Variants in DGKB observed in about 807,000 individuals in gnomAD.
The protein encoded by DGKB is 90 kDa diacylglycerol kinase.
DGKB carries 67 observed loss-of-function variants against 114.3 expected under a neutral mutation model. That is an observed-to-expected ratio of 0.59 (90% CI 0.48 to 0.72). The LOEUF (loss-of-function observed/expected upper bound fraction) is 0.72, where lower values mean the gene tolerates loss of function less well. DGKB is among the 30% of genes least tolerant of loss of function. The pLI is 0.00. For synonymous variants in DGKB, 398 were observed against 323.1 expected (o/e 1.23, Z -2.49); for missense variants, 907 against 975.2 (o/e 0.93, Z 0.93).
chr7:14,245,761 C>G (rs1300779763), intron 23 of DGKB, among the ~76,000 whole-genome samples: 1 of 152,078 alleles, frequency 6.6e-6, no homozygotes, highest in Non-Finnish European at 1.5e-5. Context: ...AACCCCGTCT[C>G]TACTAAAAAT....
chr7:14,340,159 C>CTTTT (rs35208788), intron 22 of DGKB, among the ~76,000 whole-genome samples: 11 of 89,136 alleles, frequency 1.2e-4, no homozygotes, highest in African/African-American at 1.3e-4. Context: ...CTGGATGATG[C>CTTTT]TTTTTTTTTT....
intron 25 of DGKB, among the ~76,000 whole-genome samples, chr7:14,159,429 G>A (rs528225402): frequency 6.6e-5 from 10 of 152,184 alleles, no homozygotes; most frequent in South Asian, 2.1e-4. Context: ...CCACAGTACC[G>A]TAGTATCACA....
chr7:14,236,096 G>T (rs1792730137), intron 23 of DGKB, among the ~76,000 whole-genome samples: 1 of 151,842 alleles, frequency 6.6e-6, no homozygotes, highest in South Asian at 2.1e-4. Context: ...GTATTTTATT[G>T]CAAATTAAGA....
chr7:14,723,208 T>C (rs55954033), intron 5 of DGKB, among the ~76,000 whole-genome samples: 278 of 152,234 alleles, frequency 1.8e-3, no homozygotes, highest in African/African-American at 6.1e-3. Context: ...GCCTGACTTC[T>C]TGACTACAGC....
chr7:14,733,214 A>T (rs1013118563), intron 5 of DGKB, among the ~76,000 whole-genome samples: 1 of 152,234 alleles, frequency 6.6e-6, no homozygotes, highest in African/African-American at 2.4e-5. Context: ...AGGCCTCTCA[A>T]TTCATGATTG....
At chr7:14,689,199 A>ATTTCTTTTTTTTTTTTTTTTTT (rs1822291187) in intron 9 of DGKB, among the ~76,000 whole-genome samples, 1 of 76,566 alleles carries the variant, frequency 1.3e-5, no homozygotes, top group Non-Finnish European at 2.6e-5. Flanking sequence ...AACTCCTCTT[A>ATTTCTTTTTTTTTTTTTTTTTT]TTTTTTTTTT....
Position 14,973,449 on chromosome 7 carries a change from A to G in DGKB, c.-188+1247T>C, listed in dbSNP as rs149434036. On this transcript the variant is annotated intron_variant, in intron 1 of 4. Transcript: ENST00000437998. Reference sequence around the variant, plus strand: ...TGATACAATAACATATGGATTGAAAATTAAGTTAATCATACTATTTCTTTT... The same window carrying G: ...TGATACAATAACATATGGATTGAAAGTTAAGTTAATCATACTATTTCTTTT... Among the ~76,000 whole-genome samples the G allele has an allele frequency of 7.1e-3, 1,083 of 151,714 alleles. 16 individuals carry two copies. The highest frequency in any genetic ancestry group is 0.025 in the African/African-American group (1,041 of 41,484).
Position 14,694,102 on chromosome 7 carries a change from T to C in DGKB, c.684A>G (p.Pro228=), listed in dbSNP as rs1251194948. The C allele has an allele frequency of 6.3e-7, 1 of 1,591,612 alleles. No homozygotes were observed. Among genetic ancestry groups the C allele is most frequent in the South Asian group, 1.1e-5 (1 of 87,278 alleles). ...EWIQGGMTTI[P]LLVLLGLENN... is the part of the protein sequence containing the mutation. ...TTTCTAAGCCCAGGAGCACAAGAAG[T>C]GGAATCGTTGTCATTCCTCCTTGAA... The change falls in exon 9 of 26, where the codon CCA becomes CCG. Residue 228 remains proline, a synonymous_variant. Transcript: ENST00000402815.
At chr7:14,578,831 A>G (rs1799536665) in intron 19 of DGKB, among the ~76,000 whole-genome samples, 1 of 152,224 alleles carries the variant, frequency 6.6e-6, no homozygotes, top group South Asian at 2.1e-4. Flanking sequence ...TCGAAGCTTC[A>G]CTTTGCATGA....
intron 23 of DGKB, among the ~76,000 whole-genome samples, chr7:14,330,239 C>T (rs1809487142): frequency 6.6e-6 from 1 of 151,862 alleles, no homozygotes; most frequent in Non-Finnish European, 1.5e-5. Flanking sequence ...TCCTTTTTCC[C>T]TTGCAACTAT....
intron 21 of DGKB, among the ~76,000 whole-genome samples, chr7:14,419,334 G>A (rs761995708): frequency 5.9e-5 from 9 of 151,854 alleles, no homozygotes; most frequent in Admixed American, 1.3e-4. Flanking sequence ...AATCAAAATT[G>A]TACTAGGAAA....
intron 13 of DGKB, among the ~76,000 whole-genome samples, chr7:14,638,342 C>G (rs1422605813): frequency 6.6e-6 from 1 of 152,132 alleles, no homozygotes; most frequent in Non-Finnish European, 1.5e-5. Flanking sequence ...ACTTTAAACT[C>G]AATTTTATTA....
chr7:14,923,628 A>C (rs1784612614), intron 1 of DGKB, among the ~76,000 whole-genome samples: 1 of 152,086 alleles, frequency 6.6e-6, no homozygotes, highest in Non-Finnish European at 1.5e-5. Flanking sequence ...GATATCTGGC[A>C]TTCATTCTTG....
At chr7:14,296,362 C>T (rs921153872) in intron 23 of DGKB, among the ~76,000 whole-genome samples, 2 of 152,170 alleles carry the variant, frequency 1.3e-5, no homozygotes, top group Middle Eastern at 6.8e-3. Context: ...GCATAGTATT[C>T]CATGGTATAT....
intron 25 of DGKB, among the ~76,000 whole-genome samples, chr7:14,150,567 C>A (rs934465474): frequency 6.6e-6 from 1 of 152,032 alleles, no homozygotes; most frequent in Admixed American, 6.6e-5. Flanking sequence ...ATTCAGTGTT[C>A]TCTTTCCTGC....
intron 21 of DGKB, among the ~76,000 whole-genome samples, chr7:14,364,928 A>G (rs1271822602): frequency 6.6e-6 from 1 of 152,048 alleles, no homozygotes; most frequent in African/African-American, 2.4e-5. Context: ...ATAGAAGGTC[A>G]CCATCTGCAA....
intron 2 of DGKB, among the ~76,000 whole-genome samples, chr7:14,837,158 A>G (rs972739409): frequency 6.6e-6 from 1 of 152,218 alleles, no homozygotes; most frequent in Non-Finnish European, 1.5e-5. Flanking sequence ...CCAAAGTCAG[A>G]TATCTGAAGT....
intron 1 of DGKB, among the ~76,000 whole-genome samples, chr7:14,964,916 A>G (rs989486374): frequency 1.1e-4 from 17 of 152,300 alleles, no homozygotes; most frequent in Middle Eastern, 3.4e-3. Flanking sequence ...CTGGATCATA[A>G]CCCAACAATG....
At chr7:14,640,879 T>C (rs1811645257) in intron 13 of DGKB, among the ~76,000 whole-genome samples, 1 of 152,196 alleles carries the variant, frequency 6.6e-6, no homozygotes, top group Admixed American at 6.5e-5. Flanking sequence ...CCTTAATGTC[T>C]AGTGGTGGTT....
Sources: gnomAD v4.1 joint callset for allele counts (sites outside exome capture counted in the v4.1 genomes callset) on GRCh38, gnomAD v4.1.1 for gene constraint, MANE v1.5 for transcripts, NCBI Gene and HGNC (gene_info 2026-07-23, HGNC 2026-07-21) for gene names.